The following DOCK2 variants were observed in gnomAD, a reference collection of about 807,000 sequenced individuals.
DOCK2 encodes dedicator of cytokinesis 2, also known as dedicator of cytokinesis protein 2.
DOCK2 carries 87 observed loss-of-function variants against 248.9 expected under a neutral mutation model. That is an observed-to-expected ratio of 0.35 (90% CI 0.29 to 0.42). The LOEUF is 0.42. DOCK2 is among the 10% of genes least tolerant of loss of function. The probability of loss-of-function intolerance (pLI) is 1.00; values close to 1 mark genes in which losing one functional copy is unlikely to be tolerated. For synonymous variants in DOCK2, 805 were observed against 821.6 expected, an observed-to-expected ratio of 0.98 and a Z score of 0.35; for missense variants, 1,747 against 2,300.2, an observed-to-expected ratio of 0.76 and a Z score of 4.92.
chr5:169,984,799 G>T (rs1365644177), intron 28 of DOCK2, among the ~76,000 whole-genome samples: 4 of 152,150 alleles, frequency 2.6e-5, no homozygotes, highest in Non-Finnish European at 4.4e-5. Context: ...AAACAACTCT[G>T]AACGGATTTC....
At chr5:169,809,517 A>G (rs959011994) in intron 26 of DOCK2, among the ~76,000 whole-genome samples, 1 of 152,010 alleles carries the variant, frequency 6.6e-6, no homozygotes, top group African/African-American at 2.4e-5. Context: ...AGAATTAGGG[A>G]CTTCCTTGTC....
intron 1 of DOCK2, among the ~76,000 whole-genome samples, chr5:169,653,440 G>A (rs1757914851): frequency 6.6e-6 from 1 of 152,226 alleles, no homozygotes; most frequent in African/African-American, 2.4e-5. Context: ...GAGCGGGTTT[G>A]GAGGAGTCTG....
intron 27 of DOCK2, chr5:169,934,585 G>A (rs1033950173): frequency 2.2e-6 from 1 of 454,194 alleles, no homozygotes; most frequent in Non-Finnish European, 4.4e-6. Context: ...CCTGCTCTTT[G>A]CTTCCAGGCT....
intron 26 of DOCK2, among the ~76,000 whole-genome samples, chr5:169,808,716 G>C (rs1421538237): frequency 6.6e-6 from 1 of 152,160 alleles, no homozygotes; most frequent in Non-Finnish European, 1.5e-5. Context: ...CAGACCCAGA[G>C]AGAGTTGGTT....
At chr5:169,670,704 T>A (rs1017741236) in intron 4 of DOCK2, 107 bp downstream of exon 4, 1 of 1,328,436 alleles carries the variant, frequency 7.5e-7, no homozygotes, top group African/African-American at 1.5e-5. Flanking sequence ...GCTCAGCTTA[T>A]CTTCTTTGTG....
At chr5:169,852,913 G>A (rs58895715) in intron 27 of DOCK2, among the ~76,000 whole-genome samples, 1 of 152,318 alleles carries the variant, frequency 6.6e-6, no homozygotes, top group East Asian at 1.9e-4. Context: ...ATCCTATCAT[G>A]AGTGTCCTTC....
At chr5:169,942,900 A>G (rs969987151) in intron 27 of DOCK2, among the ~76,000 whole-genome samples, 3 of 152,246 alleles carry the variant, frequency 2.0e-5, no homozygotes, top group Non-Finnish European at 4.4e-5. Context: ...CTCAGCTGAA[A>G]TAAAGAATGA....
At chr5:170,074,476 G>A (rs1757777568) in intron 46 of DOCK2, among the ~76,000 whole-genome samples, 2 of 152,126 alleles carry the variant, frequency 1.3e-5, no homozygotes, top group Admixed American at 6.5e-5. Context: ...TTGCTGTGTG[G>A]CAACGGAATG....
rs1008245683 is a variant in DOCK2, at chr5:169,670,694, G to T, written c.224+97G>T. On this transcript the variant is annotated intron_variant, in intron 4 of 51. Transcript: ENST00000520908. ...ATCTGACTTGGAAGAGCTGAGGGTT[G>T]CTCAGCTTATCTTCTTTGTGCCTGT... 19 of 1,395,128 alleles carry T rather than the reference G, an allele frequency of 1.4e-5. No homozygotes were observed. In the Admixed American group the frequency reaches 2.6e-4, roughly 19 times the overall value. 86.4% of individuals were successfully genotyped at this position (1,395,128 alleles called of 1,614,324 possible).
chr5:169,715,018 C>G (rs557338641), intron 19 of DOCK2, among the ~76,000 whole-genome samples: 1 of 152,068 alleles, frequency 6.6e-6, no homozygotes, highest in Non-Finnish European at 1.5e-5. Flanking sequence ...GTACTACCCA[C>G]AGATCATTGT....
intron 25 of DOCK2, among the ~76,000 whole-genome samples, chr5:169,792,825 G>A (rs1340240566): frequency 2.6e-5 from 4 of 152,104 alleles, no homozygotes; most frequent in Admixed American, 2.6e-4. Flanking sequence ...CAATTCAATT[G>A]GCCATATATG....
chr5:169,970,841 C>A (rs1777476233), intron 27 of DOCK2, among the ~76,000 whole-genome samples: 1 of 152,156 alleles, frequency 6.6e-6, no homozygotes, highest in Non-Finnish European at 1.5e-5. Flanking sequence ...GGCCAGCTCT[C>A]TGAATGGCAT....
chr5:170,059,463 G>A (rs1465813200), intron 44 of DOCK2, among the ~76,000 whole-genome samples: 3 of 152,048 alleles, frequency 2.0e-5, no homozygotes, highest in Non-Finnish European at 4.4e-5. Context: ...AGTCATTCCT[G>A]CCAAACTGTA....
chr5:169,668,503 G>A (rs902755108), intron 2 of DOCK2, among the ~76,000 whole-genome samples: 3 of 152,168 alleles, frequency 2.0e-5, no homozygotes, highest in Admixed American at 6.5e-5. Flanking sequence ...GCCCGGTAAT[G>A]AGGGGTCTGC....
chr5:170,072,665 T>C (rs1266691017), intron 46 of DOCK2, among the ~76,000 whole-genome samples: 1 of 152,258 alleles, frequency 6.6e-6, no homozygotes, highest in African/African-American at 2.4e-5. Flanking sequence ...TTGATCCACA[T>C]TCTCCCTGAC....
In DOCK2 at chr5:169,856,530, G is replaced by A. The variant is rs188105514; in HGVS notation, c.2799+15678G>A. On this transcript the variant is annotated intron_variant, in intron 27 of 51. Coordinates refer to ENST00000520908, the MANE Select transcript of DOCK2 (RefSeq NM_004946.3). Reference sequence around the variant, plus strand: ...CCAGGTCAGCAGCCTGAGTTTATGAGTGCTGATGTTTTGTGTTGCTTTGAT... The same window carrying A: ...CCAGGTCAGCAGCCTGAGTTTATGAATGCTGATGTTTTGTGTTGCTTTGAT... Among the ~76,000 whole-genome samples the A allele has an allele frequency of 1.8e-3, 273 of 152,322 alleles. 1 individual carries two copies. Among genetic ancestry groups the A allele is most frequent in the Middle Eastern group, 0.014 (4 of 294 alleles).
At chr5:169,808,353 T>C (rs774318335) in intron 26 of DOCK2, among the ~76,000 whole-genome samples, 2 of 152,084 alleles carry the variant, frequency 1.3e-5, no homozygotes, top group Non-Finnish European at 2.9e-5. Context: ...CTTCAATAGA[T>C]TGTCATTGTT....
chr5:169,937,407 T>G (rs967603500), intron 27 of DOCK2, among the ~76,000 whole-genome samples: 2 of 152,190 alleles, frequency 1.3e-5, no homozygotes, highest in Non-Finnish European at 2.9e-5. Flanking sequence ...TTTTCTTAAG[T>G]GTAAAATAGG....
chr5:169,728,545 G>T (rs1762606101), intron 22 of DOCK2, among the ~76,000 whole-genome samples: 1 of 152,114 alleles, frequency 6.6e-6, no homozygotes, highest in African/African-American at 2.4e-5. Context: ...GGCAGTGTCA[G>T]GTGCTACAGG....
Sources: allele counts gnomAD v4.1 joint callset (sites outside exome capture counted in the v4.1 genomes callset), GRCh38; gene constraint gnomAD v4.1.1; transcripts MANE v1.5; gene names NCBI Gene and HGNC (gene_info 2026-07-23, HGNC 2026-07-21).